Variants in SLC35D4 observed in about 807,000 individuals in gnomAD.
The protein encoded by SLC35D4 is solute carrier family 35 member D4, also known as UDP-N-acetylglucosamine transporter SLC35D4.
At chr18:23,415,133 T>G in the SLC35D4 span, among the ~76,000 whole-genome samples, 1 of 152,056 alleles carries the variant, frequency 6.6e-6, no homozygotes, top group African/African-American at 2.4e-5. Context: ...ATAAATAAAT[T>G]TTTTTAAATA....
At chr18:23,290,392 C>G in the SLC35D4 span, among the ~76,000 whole-genome samples, 3 of 152,296 alleles carry the variant, frequency 2.0e-5, no homozygotes, top group East Asian at 5.8e-4. Flanking sequence ...GGACTTTGCC[C>G]GTGTGTCCCC....
chr18:23,382,239 C>CAAAAAAAA, the SLC35D4 span, among the ~76,000 whole-genome samples: 1 of 75,682 alleles, frequency 1.3e-5, no homozygotes, highest in Non-Finnish European at 2.5e-5. Context: ...GACTCAGTCT[C>CAAAAAAAA]AAAAAAAAAA....
At chr18:23,367,549 T>C in the SLC35D4 span, among the ~76,000 whole-genome samples, 2 of 152,100 alleles carry the variant, frequency 1.3e-5, no homozygotes, top group African/African-American at 4.8e-5. Context: ...ACACTCTCTC[T>C]TCATTCTCTT....
At chr18:23,309,874 G>A in the SLC35D4 span, 29 of 868,612 alleles carry the variant, frequency 3.3e-5, no homozygotes, top group Admixed American at 1.5e-4. Flanking sequence ...TCCACTTCCC[G>A]TGTCCTTTTC....
the SLC35D4 span, among the ~76,000 whole-genome samples, chr18:23,407,144 G>A: frequency 3.9e-5 from 6 of 152,252 alleles, no homozygotes; most frequent in South Asian, 4.2e-4. Context: ...AGGCAAAACC[G>A]GATCCATATC....
the SLC35D4 span, among the ~76,000 whole-genome samples, chr18:23,346,526 TTTTCCTATTGCACTG>T: frequency 6.6e-6 from 1 of 152,186 alleles, no homozygotes; most frequent in Non-Finnish European, 1.5e-5. Flanking sequence ...GCTTTTTTTT[TTTTCCTATTGCACTG>T]CCTATTGCAT....
the SLC35D4 span, among the ~76,000 whole-genome samples, chr18:23,434,007 G>A: frequency 1.3e-5 from 2 of 152,112 alleles, no homozygotes; most frequent in South Asian, 4.1e-4. Context: ...ATATGCTCAT[G>A]GGGTGTCCAC....
chr18:23,311,143 C>G, the SLC35D4 span, among the ~76,000 whole-genome samples: 1 of 151,460 alleles, frequency 6.6e-6, no homozygotes, highest in Non-Finnish European at 1.5e-5. Context: ...GCTTTGTCGC[C>G]CAGGCTGGAG....
At chr18:23,293,841 G>A in the SLC35D4 span, among the ~76,000 whole-genome samples, 1 of 152,220 alleles carries the variant, frequency 6.6e-6, no homozygotes, top group African/African-American at 2.4e-5. Flanking sequence ...TGCCCAGGCT[G>A]GAGTGCAGTG....
the SLC35D4 span, among the ~76,000 whole-genome samples, chr18:23,326,202 A>G: frequency 6.6e-6 from 1 of 152,204 alleles, no homozygotes; most frequent in African/African-American, 2.4e-5. Context: ...ACACATAACA[A>G]TAATAACCTT....
At chr18:23,352,200 G>A in the SLC35D4 span, 1 of 1,609,526 alleles carries the variant, frequency 6.2e-7, no homozygotes, top group Non-Finnish European at 8.5e-7. Flanking sequence ...TCTTACCTTA[G>A]CAAAGAAAAT....
At chr18:23,273,208 G>A in the SLC35D4 span, among the ~76,000 whole-genome samples, 1 of 152,210 alleles carries the variant, frequency 6.6e-6, no homozygotes, top group Admixed American at 6.5e-5. Context: ...CCAACAGAGA[G>A]AGATCCCTGG....
chr18:23,379,768 G>A, the SLC35D4 span, among the ~76,000 whole-genome samples: 2 of 152,098 alleles, frequency 1.3e-5, no homozygotes, highest in Non-Finnish European at 2.9e-5. Flanking sequence ...AGGTCTCAGG[G>A]TTCTAAATGG....
At chr18:23,289,638 A>C in the SLC35D4 span, among the ~76,000 whole-genome samples, 3 of 152,184 alleles carry the variant, frequency 2.0e-5, no homozygotes, top group Admixed American at 2.0e-4. Context: ...TTATTAATAT[A>C]AGAAGACAGG....
chr18:23,352,229 TG>T, the SLC35D4 span: 1 of 1,612,662 alleles, frequency 6.2e-7, no homozygotes, highest in Admixed American at 1.7e-5. Context: ...CACACTGCCC[TG>T]GGGCCAGAAG....
At chr18:23,371,063 C>T in the SLC35D4 span, among the ~76,000 whole-genome samples, 2 of 151,520 alleles carry the variant, frequency 1.3e-5, no homozygotes, top group Non-Finnish European at 2.9e-5. Flanking sequence ...CCTTCCCACC[C>T]TCCCTCTCTC....
chr18:23,309,619 T>A, the SLC35D4 span: 3 of 1,482,124 alleles, frequency 2.0e-6, no homozygotes, highest in Non-Finnish European at 2.8e-6. Flanking sequence ...GAGCAAAATT[T>A]AGTATCCTGA....
At chr18:23,380,075 C>T in the SLC35D4 span, among the ~76,000 whole-genome samples, 4 of 151,888 alleles carry the variant, frequency 2.6e-5, no homozygotes, top group Non-Finnish European at 4.4e-5. Context: ...CCAGCCTGGG[C>T]GACAGGGTGA....
At chr18:23,250,139 G>A in the SLC35D4 span, among the ~76,000 whole-genome samples, 10 of 152,216 alleles carry the variant, frequency 6.6e-5, no homozygotes, top group Non-Finnish European at 1.5e-4. Context: ...CCCTCCCACA[G>A]GCACTTCAAC....
Sources: gnomAD v4.1 joint callset for allele counts (sites outside exome capture counted in the v4.1 genomes callset) on GRCh38, gnomAD v4.1.1 for gene constraint, MANE v1.5 for transcripts, NCBI Gene and HGNC (gene_info 2026-07-23, HGNC 2026-07-21) for gene names.